ZBTB20: variants seen among roughly 807,000 people sequenced by gnomAD.
ZBTB20 encodes zinc finger and BTB domain containing 20.
In ZBTB20, 9 loss-of-function variants were observed where a neutral mutation model predicts 56.9. The ratio of observed to expected loss-of-function variants is 0.16; its 90% CI spans 0.10 to 0.28. The LOEUF (loss-of-function observed/expected upper bound fraction) is 0.28, where lower values mean the gene tolerates loss of function less well. Among genes scored for constraint, ZBTB20 ranks in the 10% least tolerant of loss-of-function variants. The pLI is 1.00. For missense variants in ZBTB20, 655 were observed against 1,003.0 expected, an observed-to-expected ratio of 0.65 and a Z score of 4.69; for synonymous variants, 417 against 420.7, an observed-to-expected ratio of 0.99 and a Z score of 0.11.
In ZBTB20 at chr3:114,316,692, T is replaced by C. The variant is rs2078697686; in HGVS notation, c.*22313A>G. 3 of 401,456 alleles carry C rather than the reference T, an allele frequency of 7.5e-6. No homozygotes were observed. The Admixed American group carries it at 9.5e-5, about 13-fold the overall frequency. The allele number at this position is 401,456 out of a possible 1,614,324, so 24.9% of individuals were successfully genotyped here. Reference sequence around the variant, plus strand: ...TTTATTTTTTAAAGTGCATTTTCAATGCAGAAAAACTGTAATCCACTGATT... The same window carrying C: ...TTTATTTTTTAAAGTGCATTTTCAACGCAGAAAAACTGTAATCCACTGATT... On this transcript the variant is annotated 3_prime_UTR_variant, in exon 12 of 12. Transcript: ENST00000675478.
At chr3:114,738,173 C>G (rs888289609) in intron 5 of ZBTB20, among the ~76,000 whole-genome samples, 2 of 151,682 alleles carry the variant, frequency 1.3e-5, no homozygotes, top group Non-Finnish European at 2.9e-5. Context: ...ATCTTTTCAT[C>G]AAATTTGATA....
chr3:114,940,265 G>A lies in ZBTB20; in HGVS notation c.-456+34101C>T, dbSNP rs866875356. On this transcript the variant is annotated intron_variant, in intron 3 of 11. Transcript: ENST00000675478. ...TATGTCCCATGTCCTAAAGATACCTGTCCATTAAATACAGTGCATTTCATT... is the reference window on the plus strand; with the variant it reads ...TATGTCCCATGTCCTAAAGATACCTATCCATTAAATACAGTGCATTTCATT... 7.5e-5 allele frequency among the ~76,000 whole-genome samples: 11 copies of A among 146,298 alleles called. 1 individual carries two copies. Among genetic ancestry groups the A allele is most frequent in the South Asian group, 4.3e-4 (2 of 4,702 alleles).
rs943592303 is a variant in ZBTB20, at chr3:115,041,182, A to T, written c.-507+30037T>A. Among the ~76,000 whole-genome samples, 11 of 152,182 alleles carry T rather than the reference A, an allele frequency of 7.2e-5. 1 individual carries two copies. The highest frequency in any genetic ancestry group is 2.7e-4 in the African/African-American group (11 of 41,462). ...TTGCAGAAGTTGCCATTCGTCTTTAAATAATAATACATATATGTGTAAAAC... is the reference window on the plus strand; with the variant it reads ...TTGCAGAAGTTGCCATTCGTCTTTATATAATAATACATATATGTGTAAAAC... On this transcript the variant is annotated intron_variant, in intron 2 of 11. Coordinates refer to ENST00000675478, the MANE Select transcript of ZBTB20 (RefSeq NM_001348800.3).
At chr3:114,964,270 C>T (rs2077561219) in intron 3 of ZBTB20, among the ~76,000 whole-genome samples, 2 of 152,014 alleles carry the variant, frequency 1.3e-5, no homozygotes, top group African/African-American at 4.8e-5. Context: ...CAAAAATTAG[C>T]CAGGTGTGGT....
chr3:114,356,512 T>C (rs996457970), intron 10 of ZBTB20, among the ~76,000 whole-genome samples: 3 of 152,090 alleles, frequency 2.0e-5, no homozygotes, highest in Admixed American at 1.3e-4. Context: ...AAACATCAGC[T>C]CTCAAATGAA....
At chr3:115,100,352 C>CAA (rs2083545154) in intron 1 of ZBTB20, 1 of 129,814 alleles carries the variant, frequency 7.7e-6, no homozygotes, top group Admixed American at 7.7e-5. Flanking sequence ...AGAGAGAGAG[C>CAA]AAGAGAGAGG....
At chr3:114,358,241 T>C (rs2081449396) in intron 10 of ZBTB20, among the ~76,000 whole-genome samples, 1 of 152,230 alleles carries the variant, frequency 6.6e-6, no homozygotes, top group African/African-American at 2.4e-5. Flanking sequence ...CCTTTCTTTC[T>C]ATTTTCCTCC....
At chr3:114,835,890 C>T (rs2074098173) in intron 4 of ZBTB20, among the ~76,000 whole-genome samples, 3 of 152,124 alleles carry the variant, frequency 2.0e-5, no homozygotes, top group African/African-American at 7.2e-5. Context: ...AGCATTTCCC[C>T]TGGAGTTCTC....
At position 114,538,925 on chromosome 3, in the gene ZBTB20, A is replaced by T. The variant is rs190383623; in HGVS notation, c.-294-38534T>A. Among the ~76,000 whole-genome samples the T allele has an allele frequency of 3.9e-5, 6 of 152,328 alleles. No individual in the cohort carries two copies. In the East Asian group the frequency reaches 1.2e-3, roughly 29 times the overall value. On this transcript the variant is annotated intron_variant, in intron 6 of 11. Coordinates refer to ENST00000675478, the MANE Select transcript of ZBTB20 (RefSeq NM_001348800.3). Reference sequence around the variant, plus strand: ...GCACATGCCAATGAGATTAGAACTCATCGGGGGTTGGCATTCTCATTGATT... The same window carrying T: ...GCACATGCCAATGAGATTAGAACTCTTCGGGGGTTGGCATTCTCATTGATT...
intron 11 of ZBTB20, among the ~76,000 whole-genome samples, chr3:114,341,062 T>A (rs2079723426): frequency 6.6e-6 from 1 of 152,208 alleles, no homozygotes; most frequent in Admixed American, 6.5e-5. Context: ...CTTTCTCTCA[T>A]CAGGAATTTG....
At chr3:114,933,611 G>A (rs930040112) in intron 3 of ZBTB20, among the ~76,000 whole-genome samples, 1 of 152,178 alleles carries the variant, frequency 6.6e-6, no homozygotes, top group Non-Finnish European at 1.5e-5. Context: ...GAAACAGGAA[G>A]AGCGTCAACA....
chr3:114,948,903 A>G (rs1316328561), intron 3 of ZBTB20, among the ~76,000 whole-genome samples: 1 of 146,170 alleles, frequency 6.8e-6, no homozygotes, highest in Non-Finnish European at 1.5e-5. Flanking sequence ...AATCCCAGCA[A>G]ATTACATATT....
At chr3:115,032,970 A>C (rs558176528) in intron 2 of ZBTB20, among the ~76,000 whole-genome samples, 2 of 149,906 alleles carry the variant, frequency 1.3e-5, no homozygotes, top group South Asian at 4.2e-4. Context: ...AAAAAAAAAA[A>C]AAAAAAACAA....
At chr3:114,823,142 T>C (rs777358492) in intron 4 of ZBTB20, among the ~76,000 whole-genome samples, 1 of 152,112 alleles carries the variant, frequency 6.6e-6, no homozygotes, top group Non-Finnish European at 1.5e-5. Flanking sequence ...TCCTGAAATA[T>C]GTTCACATCC....
intron 2 of ZBTB20, among the ~76,000 whole-genome samples, chr3:115,022,079 C>G (rs887253870): frequency 6.6e-6 from 1 of 150,576 alleles, no homozygotes; most frequent in Non-Finnish European, 1.5e-5. Flanking sequence ...AATCTATTCA[C>G]ATAATAGTTC....
At chr3:114,569,007 C>T (rs531558138) in intron 6 of ZBTB20, among the ~76,000 whole-genome samples, 7 of 152,124 alleles carry the variant, frequency 4.6e-5, no homozygotes, top group Non-Finnish European at 8.8e-5. Context: ...CAGAGCTCTT[C>T]GTTTACATTT....
At chr3:114,530,192 C>T (rs2047686286) in intron 6 of ZBTB20, among the ~76,000 whole-genome samples, 1 of 152,240 alleles carries the variant, frequency 6.6e-6, no homozygotes, top group South Asian at 2.1e-4. Context: ...ATCACTCACT[C>T]ATTCACTCAC....
chr3:114,625,805 G>T (rs986147919), intron 6 of ZBTB20, among the ~76,000 whole-genome samples: 1 of 152,066 alleles, frequency 6.6e-6, no homozygotes, highest in Admixed American at 6.6e-5. Context: ...AATATAGCAA[G>T]GGGAGAGGGA....
intron 7 of ZBTB20, among the ~76,000 whole-genome samples, chr3:114,463,791 T>G (rs2092427487): frequency 6.6e-6 from 1 of 152,340 alleles, no homozygotes; most frequent in Non-Finnish European, 1.5e-5. Flanking sequence ...GCCCAAACTT[T>G]GTTAACCAAA....
Sources: gnomAD v4.1 joint callset for allele counts (sites outside exome capture counted in the v4.1 genomes callset) on GRCh38, gnomAD v4.1.1 for gene constraint, MANE v1.5 for transcripts, NCBI Gene and HGNC (gene_info 2026-07-23, HGNC 2026-07-21) for gene names.